The following CEP112 variants were observed in gnomAD, a reference collection of about 807,000 sequenced individuals.
CEP112 encodes the protein centrosomal protein 112.
CEP112 carries 127 observed loss-of-function variants against 153.0 expected under a neutral mutation model. That is an observed-to-expected ratio of 0.83 (90% CI 0.72 to 0.96). CEP112 has a LOEUF of 0.96. Ranked by LOEUF, CEP112 falls within the 40% of genes least tolerant of loss-of-function variation. CEP112 has a pLI of 0.00. For synonymous variants in CEP112, 358 were observed against 374.4 expected, an observed-to-expected ratio of 0.96 and a Z score of 0.51; for missense variants, 1,089 against 1,101.2, an observed-to-expected ratio of 0.99 and a Z score of 0.16.
intron 24 of CEP112, among the ~76,000 whole-genome samples, chr17:65,672,476 A>T (rs1250957133): frequency 1.3e-5 from 2 of 152,244 alleles, no homozygotes; most frequent in East Asian, 3.8e-4. Flanking sequence ...ATTTTTAAAA[A>T]GATGATGAGA....
chr17:66,112,930 AGT>A (rs2069124555), intron 6 of CEP112, among the ~76,000 whole-genome samples: 1 of 151,814 alleles, frequency 6.6e-6, no homozygotes, highest in Non-Finnish European at 1.5e-5. Flanking sequence ...TGGGTGCCAG[AGT>A]GAAACCCTGT....
At chr17:65,871,595 A>G (rs1260856921) in intron 20 of CEP112, among the ~76,000 whole-genome samples, 1 of 152,196 alleles carries the variant, frequency 6.6e-6, no homozygotes, top group Non-Finnish European at 1.5e-5. Flanking sequence ...AGATCGCACC[A>G]CTGCACTCCA....
rs2072334554 is a variant in CEP112, at chr17:66,173,531, A to T, written c.470+1513T>A. ...CAGGAAACTACTTTAGTTCACCTTT[A>T]TACTGTAAACTCCACATTCATTACA... On this transcript the variant is annotated intron_variant, in intron 4 of 26. Transcript: ENST00000535342. Among the ~76,000 whole-genome samples, 6 of 152,348 alleles carry T rather than the reference A, an allele frequency of 3.9e-5. 1 individual carries two copies. In the Middle Eastern group the frequency reaches 0.014, roughly 345 times the overall value.
intron 4 of CEP112, among the ~76,000 whole-genome samples, chr17:66,142,573 T>G (rs2070750216): frequency 1.3e-5 from 2 of 152,162 alleles, no homozygotes. Flanking sequence ...CTTGTGGACT[T>G]CCGGTTTTCC....
At chr17:66,143,561 A>C (rs955542028) in intron 4 of CEP112, among the ~76,000 whole-genome samples, 1 of 152,240 alleles carries the variant, frequency 6.6e-6, no homozygotes, top group African/African-American at 2.4e-5. Context: ...GTCTGTCTCA[A>C]AGAAATTCGT....
At chr17:65,653,110 C>T (rs1334235575) in intron 24 of CEP112, among the ~76,000 whole-genome samples, 1 of 152,190 alleles carries the variant, frequency 6.6e-6, no homozygotes, top group Non-Finnish European at 1.5e-5. Context: ...CCAAAGGCCA[C>T]CTCCGAATAC....
At chr17:65,990,151 T>C (rs1380189379) in intron 17 of CEP112, among the ~76,000 whole-genome samples, 1 of 152,044 alleles carries the variant, frequency 6.6e-6, no homozygotes, top group Admixed American at 6.6e-5. Context: ...AATAATAATA[T>C]TTAAGTCCTT....
intron 16 of CEP112, among the ~76,000 whole-genome samples, chr17:66,027,100 G>C (rs1193388374): frequency 2.0e-5 from 3 of 152,152 alleles, no homozygotes; most frequent in Non-Finnish European, 2.9e-5. Flanking sequence ...TTCTTGGCTG[G>C]GCGCAATGGC....
intron 5 of CEP112, among the ~76,000 whole-genome samples, chr17:66,130,895 G>A (rs1201979091): frequency 6.6e-6 from 1 of 151,452 alleles, no homozygotes; most frequent in Non-Finnish European, 1.5e-5. Flanking sequence ...AGCCCCAGAT[G>A]AAAACTATAA....
chr17:65,776,310 C>G (rs1435876985), intron 21 of CEP112, among the ~76,000 whole-genome samples: 1 of 152,152 alleles, frequency 6.6e-6, no homozygotes, highest in African/African-American at 2.4e-5. Context: ...TCTCGGCTTG[C>G]TGCAAGCTCC....
intron 21 of CEP112, among the ~76,000 whole-genome samples, chr17:65,814,705 C>G (rs570079865): frequency 1.2e-4 from 18 of 152,182 alleles, no homozygotes; most frequent in African/African-American, 4.1e-4. Flanking sequence ...AATTAATAAA[C>G]TTTGAAAGTA....
chr17:65,767,082 T>C (rs564822014), intron 21 of CEP112, among the ~76,000 whole-genome samples: 1 of 152,264 alleles, frequency 6.6e-6, no homozygotes, highest in South Asian at 2.1e-4. Flanking sequence ...AGCAACAAAA[T>C]ACACATTCTC....
Position 65,689,204 on chromosome 17 carries a change from T to G in CEP112, c.2622A>C (p.Glu874Asp). 2 of 1,611,724 alleles carry G rather than the reference T, an allele frequency of 1.2e-6. No homozygotes were observed. The highest frequency in any genetic ancestry group is 1.7e-6 in the Non-Finnish European group (2 of 1,177,870). ...NDQAIKVLQD[E>D]LENRSNQVRC... ...GCACCTGATTAGAACGGTTTTCTAATTCATCTTGTAAAACCTGAAACGGTA... is the reference window on the plus strand; with the variant it reads ...GCACCTGATTAGAACGGTTTTCTAAGTCATCTTGTAAAACCTGAAACGGTA... The change falls in exon 24 of 27, where the codon GAA becomes GAC. Residue 874 changes from glutamate (E) to aspartate (D), a missense_variant. By Grantham distance (45) the Glu-to-Asp change is conservative. Coordinates refer to ENST00000535342, the MANE Select transcript of CEP112 (RefSeq NM_001199165.4).
chr17:65,751,031 GGAAA>G (rs1598466462), intron 21 of CEP112: 1 of 251,206 alleles, frequency 4.0e-6, no homozygotes. Context: ...GTAAAGTAAG[GGAAA>G]GAGAGAAGAA....
At chr17:66,169,282 CTTTTTTT>C (rs538896272) in intron 4 of CEP112, among the ~76,000 whole-genome samples, 1 of 120,968 alleles carries the variant, frequency 8.3e-6, no homozygotes, top group Non-Finnish European at 1.7e-5. Flanking sequence ...TTAATTTCTT[CTTTTTTT>C]TTTTTTTTTT....
intron 8 of CEP112, among the ~76,000 whole-genome samples, chr17:66,076,460 A>G (rs1311311683): frequency 6.6e-6 from 1 of 152,074 alleles, no homozygotes; most frequent in Admixed American, 6.5e-5. Flanking sequence ...GACAACCTGC[A>G]TGACTCAGCA....
At chr17:65,916,477 T>G (rs1212999748) in intron 19 of CEP112, among the ~76,000 whole-genome samples, 1 of 152,174 alleles carries the variant, frequency 6.6e-6, no homozygotes, top group Non-Finnish European at 1.5e-5. Context: ...CACTTTATAT[T>G]TTTAATGTAC....
intron 21 of CEP112, among the ~76,000 whole-genome samples, chr17:65,780,472 C>G (rs1457732726): frequency 6.6e-6 from 1 of 152,038 alleles, no homozygotes; most frequent in Non-Finnish European, 1.5e-5. Flanking sequence ...GAAGAAGCAA[C>G]TATTCTCTGA....
At chr17:66,149,695 T>C (rs2071081471) in intron 4 of CEP112, among the ~76,000 whole-genome samples, 1 of 151,970 alleles carries the variant, frequency 6.6e-6, no homozygotes, top group Admixed American at 6.6e-5. Flanking sequence ...GTCTTGTTTC[T>C]TTTTTTCTTA....
Sources: allele counts gnomAD v4.1 joint callset (sites outside exome capture counted in the v4.1 genomes callset), GRCh38; gene constraint gnomAD v4.1.1; transcripts MANE v1.5; gene names NCBI Gene and HGNC (gene_info 2026-07-23, HGNC 2026-07-21).